MAGI1: variants seen among roughly 807,000 people sequenced by gnomAD.
MAGI1 encodes membrane-associated guanylate kinase, WW and PDZ domain-containing protein 1.
In MAGI1, 58 loss-of-function variants were observed where a neutral mutation model predicts 139.9. The observed-to-expected ratio is 0.41, with a 90% CI of 0.34 to 0.52. The LOEUF is 0.52. Ranked by LOEUF, MAGI1 falls within the 20% of genes least tolerant of loss-of-function variation. The pLI, the probability that MAGI1 is intolerant of heterozygous loss-of-function variation, is 0.12. For synonymous variants in MAGI1, 812 were observed against 737.9 expected, an observed-to-expected ratio of 1.10 and a Z score of -1.63; for missense variants, 1,874 against 1,901.6, an observed-to-expected ratio of 0.99 and a Z score of 0.27.
At chr3:65,687,726 G>A in intron 1 of MAGI1, 1 of 538,360 alleles carries the variant, frequency 1.9e-6, no homozygotes. Context: ...ACAAAGTCGG[G>A]GGAAGCCTGA....
At chr3:66,008,447 G>A (rs890826137) in intron 1 of MAGI1, among the ~76,000 whole-genome samples, 6 of 152,096 alleles carry the variant, frequency 3.9e-5, no homozygotes. Flanking sequence ...CCACATGTAG[G>A]CACTATACCT....
chr3:65,573,225 T>C (rs1231888837), intron 2 of MAGI1, among the ~76,000 whole-genome samples: 1 of 152,086 alleles, frequency 6.6e-6, no homozygotes, highest in Admixed American at 6.6e-5. Context: ...TACTTAATAT[T>C]ATAGACATAT....
intron 2 of MAGI1, among the ~76,000 whole-genome samples, chr3:65,546,657 A>G (rs1373597778): frequency 1.3e-5 from 2 of 152,252 alleles, no homozygotes; most frequent in Non-Finnish European, 2.9e-5. Context: ...ATTATTTGCA[A>G]CAGTTTAGCA....
At chr3:65,530,466 T>G (rs2078591688) in intron 2 of MAGI1, among the ~76,000 whole-genome samples, 1 of 151,434 alleles carries the variant, frequency 6.6e-6, no homozygotes, top group Non-Finnish European at 1.5e-5. Context: ...ATACCAAAAT[T>G]ACCCGGGTGT....
chr3:65,856,091 G>A (rs2059370310), intron 1 of MAGI1, among the ~76,000 whole-genome samples: 1 of 152,082 alleles, frequency 6.6e-6, no homozygotes, highest in South Asian at 2.1e-4. Flanking sequence ...TATGACTATG[G>A]CAACTGAGGG....
At chr3:65,516,568 CAG>C (rs2077890143) in intron 2 of MAGI1, among the ~76,000 whole-genome samples, 2 of 152,114 alleles carry the variant, frequency 1.3e-5, no homozygotes, top group South Asian at 4.1e-4. Context: ...ATCACCACAA[CAG>C]AGTTATAAAG....
intron 13 of MAGI1, among the ~76,000 whole-genome samples, chr3:65,400,716 G>T (rs976162656): frequency 7.1e-6 from 1 of 141,394 alleles, no homozygotes; most frequent in Non-Finnish European, 1.5e-5. Context: ...TGCATCTTCA[G>T]GGAAACCAGA....
chr3:65,380,950 A>C (rs1180019270), intron 16 of MAGI1: 1 of 152,110 alleles, frequency 6.6e-6, no homozygotes, highest in Non-Finnish European at 1.5e-5. Context: ...GAAGTTACCA[A>C]TTAATTTTAT....
rs1559871643 is a variant in MAGI1, at chr3:65,355,459, T to C, written c.*919A>G. On this transcript the variant is annotated 3_prime_UTR_variant, in exon 23 of 23. Coordinates refer to ENST00000402939, the MANE Select transcript of MAGI1 (RefSeq NM_001033057.2). Reference sequence around the variant, plus strand: ...AAGGGAGGGGGGCATGCTTTCCAAATTGGGGATCTTACGTCTTCCTCACAC... The same window carrying C: ...AAGGGAGGGGGGCATGCTTTCCAAACTGGGGATCTTACGTCTTCCTCACAC... 6.6e-6 allele frequency: 1 copy of C among 152,352 alleles called. No homozygotes were observed. The highest frequency in any genetic ancestry group is 3.4e-3 in the Middle Eastern group (1 of 294). 9.4% of individuals were successfully genotyped at this position (152,352 alleles called of 1,614,324 possible). A position where few individuals can be genotyped will look rare whatever the true frequency, so the allele number is the denominator to read the frequency against.
At chr3:65,859,235 A>G (rs1014105027) in intron 1 of MAGI1, among the ~76,000 whole-genome samples, 5 of 151,934 alleles carry the variant, frequency 3.3e-5, no homozygotes, top group African/African-American at 1.2e-4. Context: ...CAGGTGGCTG[A>G]GGTGGAAGAA....
Position 66,038,060 on chromosome 3 carries a change from G to T in MAGI1, c.249C>A (p.Arg83=). 1 of 1,612,398 alleles carries T rather than the reference G, an allele frequency of 6.2e-7. No individual in the cohort carries two copies. Among genetic ancestry groups the T allele is most frequent in the Non-Finnish European group, 8.5e-7 (1 of 1,179,326 alleles). Residue 83 remains arginine, a synonymous_variant, in exon 1 of 23, where the codon CGC becomes CGA. Transcript: ENST00000402939. ...VQGVRVSGLP[R]YDVLGVIDSC... ...TGTCGATGACCCCCAGCACGTCATA[G>T]CGGGGCAAGCCGGACACCCGGACCC...
intron 2 of MAGI1, among the ~76,000 whole-genome samples, chr3:65,553,140 T>C (rs940330907): frequency 6.6e-6 from 1 of 151,950 alleles, no homozygotes. Flanking sequence ...CAATACTGAG[T>C]TGTTGGTTTT....
At chr3:65,720,435 C>G (rs1270219553) in intron 1 of MAGI1, among the ~76,000 whole-genome samples, 1 of 152,144 alleles carries the variant, frequency 6.6e-6, no homozygotes, top group Non-Finnish European at 1.5e-5. Flanking sequence ...GTGCTACGTT[C>G]TCTCTTACCA....
chr3:65,491,920 T>C (rs1952063587), intron 3 of MAGI1, among the ~76,000 whole-genome samples: 1 of 152,176 alleles, frequency 6.6e-6, no homozygotes, highest in African/African-American at 2.4e-5. Context: ...GAGCAGTATG[T>C]ACAAAGACAA....
At chr3:66,026,824 C>T (rs1321892108) in intron 1 of MAGI1, among the ~76,000 whole-genome samples, 3 of 139,646 alleles carry the variant, frequency 2.1e-5, no homozygotes, top group Non-Finnish European at 3.1e-5. Context: ...TTTTATTTAT[C>T]GGACTATCTT....
At chr3:65,850,047 G>C (rs1262648227) in intron 1 of MAGI1, among the ~76,000 whole-genome samples, 1 of 151,884 alleles carries the variant, frequency 6.6e-6, no homozygotes, top group Non-Finnish European at 1.5e-5. Flanking sequence ...TTATGATCTA[G>C]GGTCATACCC....
At chr3:65,778,423 T>A (rs2038646790) in intron 1 of MAGI1, among the ~76,000 whole-genome samples, 1 of 62,538 alleles carries the variant, frequency 1.6e-5, no homozygotes, top group Non-Finnish European at 3.0e-5. Context: ...AGAGTGAAAC[T>A]CTGTCTCAAA....
intron 1 of MAGI1, among the ~76,000 whole-genome samples, chr3:65,774,857 T>C (rs78614090): frequency 6.6e-6 from 1 of 152,174 alleles, no homozygotes; most frequent in Non-Finnish European, 1.5e-5. Context: ...GAGAAGATTT[T>C]GATTTCTGTC....
chr3:65,531,908 A>G (rs1404534), intron 2 of MAGI1, among the ~76,000 whole-genome samples: 48,383 of 152,056 alleles, frequency 0.32, 8,931 homozygotes, highest in East Asian at 0.66. Context: ...TAAGTTTTCA[A>G]TAAAGAATTA....
Sources: gnomAD v4.1 joint callset for allele counts (sites outside exome capture counted in the v4.1 genomes callset) on GRCh38, gnomAD v4.1.1 for gene constraint, MANE v1.5 for transcripts, NCBI Gene and HGNC (gene_info 2026-07-23, HGNC 2026-07-21) for gene names.